CDH13: variants seen among roughly 807,000 people sequenced by gnomAD.
The protein encoded by CDH13 is cadherin-13.
A neutral mutation model predicts 63.8 loss-of-function variants in CDH13; 24 were observed. The ratio of observed to expected loss-of-function variants is 0.38; its 90% confidence interval spans 0.27 to 0.53. The LOEUF is 0.53. Among genes scored for constraint, CDH13 ranks in the 20% least tolerant of loss-of-function variants. The probability of loss-of-function intolerance (pLI) is 0.85; values close to 1 mark genes in which losing one functional copy is unlikely to be tolerated. For missense variants in CDH13, 1,049 were observed against 903.1 expected (o/e 1.16, Z -2.07); for synonymous variants, 503 against 355.3 (o/e 1.42, Z -4.67).
At chr16:82,703,764 G>A (rs1268758202) in intron 1 of CDH13, among the ~76,000 whole-genome samples, 1 of 152,052 alleles carries the variant, frequency 6.6e-6, no homozygotes, top group African/African-American at 2.4e-5. Context: ...TGCCCCCTCT[G>A]CTAATGCCCC....
At chr16:82,640,683 G>T (rs1410693576) in intron 1 of CDH13, among the ~76,000 whole-genome samples, 1 of 152,138 alleles carries the variant, frequency 6.6e-6, no homozygotes, top group Admixed American at 6.5e-5. Flanking sequence ...AGAGGCCAGC[G>T]AGGGGAACCA....
chr16:83,223,838 A>G lies in CDH13; in HGVS notation c.636+6341A>G, dbSNP rs539073229. ...ACCACATTGTGATGACATGAGTGCAATTTTTTTAATTCCATGGGTTTTTGG... is the reference window on the plus strand; with the variant it reads ...ACCACATTGTGATGACATGAGTGCAGTTTTTTTAATTCCATGGGTTTTTGG... On this transcript the variant is annotated intron_variant, in intron 5 of 13. Transcript: ENST00000567109. Among the ~76,000 whole-genome samples the G allele has an allele frequency of 3.9e-5, 6 of 152,188 alleles. No homozygotes were observed. In the South Asian group the frequency reaches 1.0e-3, roughly 26 times the overall value.
intron 7 of CDH13, among the ~76,000 whole-genome samples, chr16:83,592,761 G>C (rs1906883357): frequency 6.6e-6 from 1 of 151,988 alleles, no homozygotes; most frequent in African/African-American, 2.4e-5. Flanking sequence ...CCAGCCCCCA[G>C]CCACGAATGC....
Position 83,656,346 on chromosome 16 carries a change from G to A in CDH13, c.1102-14444G>A, listed in dbSNP as rs534068277. On this transcript the variant is annotated intron_variant, in intron 8 of 13. Transcript: ENST00000567109. ...AGATGAGATTTGTTTTGGTGGAGTC[G>A]GGAGGTGGAAAGGCCTCTGTTTCGA... is the stretch of plus-strand genomic sequence containing the variant. Among the ~76,000 whole-genome samples the A allele has an allele frequency of 7.2e-5, 11 of 152,268 alleles. 1 individual carries two copies. The highest frequency in any genetic ancestry group is 3.9e-4 in the East Asian group (2 of 5,180).
intron 1 of CDH13, among the ~76,000 whole-genome samples, chr16:82,819,442 T>C (rs1360879200): frequency 1.3e-5 from 2 of 152,182 alleles, no homozygotes; most frequent in South Asian, 2.1e-4. Context: ...CCTTTTGTTA[T>C]ACAGGAAGCT....
intron 5 of CDH13, among the ~76,000 whole-genome samples, chr16:83,304,079 A>C (rs1279686567): frequency 6.6e-6 from 1 of 152,184 alleles, no homozygotes; most frequent in African/African-American, 2.4e-5. Context: ...ATGGAATTCC[A>C]AGTACTTTTA....
chr16:82,754,824 A>G (rs1567502005), intron 1 of CDH13, among the ~76,000 whole-genome samples: 3 of 152,238 alleles, frequency 2.0e-5, no homozygotes, highest in Non-Finnish European at 1.5e-5. Flanking sequence ...AAAAAAATCC[A>G]AACCTTAACT....
At chr16:83,389,816 C>G (rs995709052) in intron 6 of CDH13, among the ~76,000 whole-genome samples, 4 of 152,156 alleles carry the variant, frequency 2.6e-5, no homozygotes, top group African/African-American at 9.7e-5. Flanking sequence ...GGAAAGGTGT[C>G]CTAGATCATT....
chr16:83,324,441 T>C (rs2151897598), intron 5 of CDH13, among the ~76,000 whole-genome samples: 1 of 152,290 alleles, frequency 6.6e-6, no homozygotes, highest in South Asian at 2.1e-4. Flanking sequence ...ACCACCAGTC[T>C]ACTTCTTGTC....
chr16:83,030,411 T>C (rs908999904), intron 2 of CDH13, among the ~76,000 whole-genome samples: 4 of 151,730 alleles, frequency 2.6e-5, no homozygotes, highest in Non-Finnish European at 2.9e-5. Flanking sequence ...GTAATCCCAG[T>C]TCTTTGGGAG....
At chr16:82,761,232 G>A (rs530169396) in intron 1 of CDH13, among the ~76,000 whole-genome samples, 54 of 151,668 alleles carry the variant, frequency 3.6e-4, no homozygotes, top group African/African-American at 1.2e-3. Context: ...TGGCCAGGCT[G>A]GTCTTGAACT....
chr16:83,527,333 C>T (rs1306953698), intron 7 of CDH13, among the ~76,000 whole-genome samples: 3 of 151,772 alleles, frequency 2.0e-5, no homozygotes, highest in Non-Finnish European at 4.4e-5. Flanking sequence ...CCTGTAGTCC[C>T]AGCTACTTGG....
At chr16:83,535,319 C>G (rs1054598759) in intron 7 of CDH13, among the ~76,000 whole-genome samples, 1 of 152,164 alleles carries the variant, frequency 6.6e-6, no homozygotes, top group African/African-American at 2.4e-5. Flanking sequence ...CAAAGAGATA[C>G]CACTAAAGAA....
chr16:83,445,279 TTTATAAAAGGTTTTATAAA>T lies in CDH13; in HGVS notation c.782-41184_782-41166del, dbSNP rs1438189909. ...TTATAATTTATAAAAGCTTTTATAA[TTTATAAAAGGTTTTATAAA>T]TTATAAAAGGTTTGCATCATTTTCA... On this transcript the variant is annotated intron_variant, in intron 6 of 13. Coordinates refer to ENST00000567109, the MANE Select transcript of CDH13 (RefSeq NM_001257.5). Among the ~76,000 whole-genome samples, 741 of 109,352 alleles carry T rather than the reference TTTATAAAAGGTTTTATAAA, an allele frequency of 6.8e-3. 3 individuals are homozygous for T. Among genetic ancestry groups the T allele is most frequent in the East Asian group, 0.011 (52 of 4,882 alleles). The allele number at this position is 109,352 out of a possible 152,430, so 71.7% of individuals were successfully genotyped here.
At chr16:83,480,171 C>G (rs1267479617) in intron 6 of CDH13, among the ~76,000 whole-genome samples, 3 of 152,106 alleles carry the variant, frequency 2.0e-5, no homozygotes, top group African/African-American at 7.2e-5. Flanking sequence ...CAAAAATTAG[C>G]CAGGCATAGT....
intron 1 of CDH13, among the ~76,000 whole-genome samples, chr16:82,845,294 G>C (rs937001941): frequency 6.6e-6 from 1 of 152,188 alleles, no homozygotes; most frequent in Non-Finnish European, 1.5e-5. Context: ...CCAATGCACT[G>C]AGGGCTGTCC....
At chr16:83,012,568 C>CTA (rs1445303162) in intron 2 of CDH13, among the ~76,000 whole-genome samples, 9 of 151,976 alleles carry the variant, frequency 5.9e-5, no homozygotes, top group Middle Eastern at 3.4e-3. Context: ...CAAGAAAAAA[C>CTA]TATATATATA....
intron 1 of CDH13, among the ~76,000 whole-genome samples, chr16:82,649,600 C>T (rs1910490841): frequency 6.6e-6 from 1 of 152,010 alleles, no homozygotes; most frequent in Admixed American, 6.5e-5. Flanking sequence ...TGTGAAATGG[C>T]TAGTCAGAGC....
intron 4 of CDH13, among the ~76,000 whole-genome samples, chr16:83,178,307 A>G (rs2038210358): frequency 6.6e-6 from 1 of 152,082 alleles, no homozygotes; most frequent in Non-Finnish European, 1.5e-5. Context: ...TGCGACAACT[A>G]AAAATGTCTC....
Sources: allele counts gnomAD v4.1 joint callset (sites outside exome capture counted in the v4.1 genomes callset), GRCh38; gene constraint gnomAD v4.1.1; transcripts MANE v1.5; gene names NCBI Gene and HGNC (gene_info 2026-07-23, HGNC 2026-07-21).